EXD3: variants seen among roughly 807,000 people sequenced by gnomAD.
EXD3 encodes the protein exonuclease mut-7 homolog.
In EXD3, 92 loss-of-function variants were observed where a neutral mutation model predicts 98.0. The ratio of observed to expected loss-of-function variants is 0.94; its 90% CI spans 0.79 to 1.12. EXD3 has a LOEUF of 1.12. Ranked by LOEUF, EXD3 falls within the 50% of genes most tolerant of loss-of-function variation. The pLI is 0.00. For synonymous variants in EXD3, 569 were observed against 526.0 expected, an observed-to-expected ratio of 1.08 and a Z score of -1.12; for missense variants, 1,222 against 1,191.6, an observed-to-expected ratio of 1.03 and a Z score of -0.38.
chr9:137,409,227 C>T (rs550442051), intron 1 of EXD3, among the ~76,000 whole-genome samples: 332 of 152,236 alleles, frequency 2.2e-3, no homozygotes, highest in Non-Finnish European at 3.9e-3. Flanking sequence ...GCATGCTGGG[C>T]CCTCACCATG....
intron 19 of EXD3, among the ~76,000 whole-genome samples, chr9:137,316,389 T>C (rs115331188): frequency 0.09 from 13,589 of 151,746 alleles, 814 homozygotes; most frequent in African/African-American, 0.17. Context: ...GACACCCTCC[T>C]TCCCAGGGGC....
chr9:137,369,108 G>C (rs1273626070), intron 5 of EXD3, among the ~76,000 whole-genome samples: 1 of 146,926 alleles, frequency 6.8e-6, no homozygotes, highest in Non-Finnish European at 1.5e-5. Context: ...GGCCCGGGGC[G>C]TGGGAGTCTC....
chr9:137,402,853 A>AG (rs1383188516), intron 1 of EXD3, among the ~76,000 whole-genome samples: 1 of 152,188 alleles, frequency 6.6e-6, no homozygotes, highest in African/African-American at 2.4e-5. Flanking sequence ...TCACGGTGGA[A>AG]GGCGAAAGGC....
At chr9:137,355,464 A>AGGGAGGAAGGAGAAAGGAGGAAGGAGGAC (rs150292386) in intron 8 of EXD3, among the ~76,000 whole-genome samples, 1 of 27,928 alleles carries the variant, frequency 3.6e-5, no homozygotes, top group Non-Finnish European at 7.0e-5. Context: ...GGAAGGAGAA[A>AGGGAGGAAGGAGAAAGGAGGAAGGAGGAC]GGAGGAAGGA....
intron 3 of EXD3, among the ~76,000 whole-genome samples, chr9:137,375,298 C>T (rs531681962): frequency 2.0e-4 from 30 of 152,154 alleles, no homozygotes; most frequent in East Asian, 1.2e-3. Flanking sequence ...TGAGCCACCG[C>T]GCCCGGCCCT....
At chr9:137,376,343 CAAAAAAAAAAAAA>C (rs765888922) in intron 3 of EXD3, among the ~76,000 whole-genome samples, 35 of 39,970 alleles carry the variant, frequency 8.8e-4, no homozygotes, top group Admixed American at 2.3e-3. Flanking sequence ...GACTCTGTCT[CAAAAAAAAAAAAA>C]AAAAAAAAAA....
At chr9:137,412,984 C>T (rs919384115) in intron 1 of EXD3, among the ~76,000 whole-genome samples, 2 of 151,958 alleles carry the variant, frequency 1.3e-5, no homozygotes, top group African/African-American at 2.4e-5. Flanking sequence ...GGTCTCACTA[C>T]GTCACCCAGA....
At chr9:137,412,018 C>G (rs922652481) in intron 1 of EXD3, among the ~76,000 whole-genome samples, 1 of 152,154 alleles carries the variant, frequency 6.6e-6, no homozygotes, top group Non-Finnish European at 1.5e-5. Context: ...CCAGGTCTCC[C>G]TGGCACCCCG....
At chr9:137,321,458 A>G (rs112701013) in intron 19 of EXD3, among the ~76,000 whole-genome samples, 3,077 of 152,250 alleles carry the variant, frequency 0.02, 102 homozygotes, top group East Asian at 0.15. Flanking sequence ...TGAGGCAGGA[A>G]GATCACCTGA....
At chr9:137,398,252 T>C (rs1837304806) in intron 1 of EXD3, among the ~76,000 whole-genome samples, 1 of 152,182 alleles carries the variant, frequency 6.6e-6, no homozygotes, top group African/African-American at 2.4e-5. Context: ...CGGCCCCGTC[T>C]GCAGCACTGC....
At chr9:137,373,284 TG>T in intron 4 of EXD3, 141 bp downstream of exon 4, 1 of 1,182,216 alleles carries the variant, frequency 8.5e-7, no homozygotes, top group East Asian at 2.5e-5. Context: ...GGCTGAGTCT[TG>T]GCCATAGCCC....
intron 7 of EXD3, among the ~76,000 whole-genome samples, chr9:137,362,755 C>A (rs970393117): frequency 6.6e-6 from 1 of 152,118 alleles, no homozygotes; most frequent in African/African-American, 2.4e-5. Context: ...TATCCCACAT[C>A]TTTTTCAGAT....
intron 18 of EXD3, 69 bp from the exon 19 acceptor site, chr9:137,323,925 T>C: frequency 1.3e-6 from 2 of 1,541,740 alleles, no homozygotes; most frequent in Non-Finnish European, 1.8e-6. Context: ...CCAGCCCGCC[T>C]CCGCCAGCAT....
chr9:137,333,514 C>T (rs893945916), intron 17 of EXD3, among the ~76,000 whole-genome samples: 4 of 152,164 alleles, frequency 2.6e-5, no homozygotes, highest in Admixed American at 6.5e-5. Context: ...ATGCAAGCCA[C>T]GGTGTTGGAG....
intron 2 of EXD3, among the ~76,000 whole-genome samples, chr9:137,388,915 C>T (rs568274189): frequency 6.6e-6 from 1 of 152,270 alleles, no homozygotes; most frequent in African/African-American, 2.4e-5. Flanking sequence ...CACAGCACCC[C>T]GCCTGGGTCA....
chr9:137,318,693 C>T (rs1049214759), intron 19 of EXD3, among the ~76,000 whole-genome samples: 11 of 152,124 alleles, frequency 7.2e-5, no homozygotes, highest in Admixed American at 4.6e-4. Flanking sequence ...GTGGGTGGGC[C>T]GGTGGGCCAT....
At chr9:137,381,995 G>A (rs1364365808) in intron 3 of EXD3, among the ~76,000 whole-genome samples, 1 of 147,976 alleles carries the variant, frequency 6.8e-6, no homozygotes, top group Admixed American at 6.7e-5. Flanking sequence ...AGGAGGTGAG[G>A]ACGCGGGGAG....
At chr9:137,334,335 C>T (rs962058824) in intron 17 of EXD3, among the ~76,000 whole-genome samples, 1 of 152,086 alleles carries the variant, frequency 6.6e-6, no homozygotes, top group Admixed American at 6.6e-5. Flanking sequence ...TGAGAAGGGA[C>T]TAATACAGTA....
intron 3 of EXD3, chr9:137,374,466 G>T: frequency 1.4e-6 from 1 of 729,568 alleles, no homozygotes; most frequent in Non-Finnish European, 1.7e-6. Flanking sequence ...TGCTCTCCAC[G>T]GGGCTCCAGG....
Sources: gnomAD v4.1 joint callset for allele counts (sites outside exome capture counted in the v4.1 genomes callset) on GRCh38, gnomAD v4.1.1 for gene constraint, MANE v1.5 for transcripts, NCBI Gene and HGNC (gene_info 2026-07-23, HGNC 2026-07-21) for gene names.